Variants in NOVA1 observed in about 807,000 individuals in gnomAD.
NOVA1 encodes RNA-binding protein Nova-1.
Under a neutral mutation model 38.0 loss-of-function variants are expected in NOVA1, and 7 were observed. That is an observed-to-expected ratio of 0.18 (90% CI 0.10 to 0.35). The LOEUF (loss-of-function observed/expected upper bound fraction) is 0.35. NOVA1 is among the 10% of genes least tolerant of loss of function. NOVA1 has a pLI of 1.00. For synonymous variants in NOVA1, 270 were observed against 232.5 expected (o/e 1.16, Z -1.47); for missense variants, 460 against 616.0 (o/e 0.75, Z 2.68).
chr14:26,469,582 A>G (rs1884424313), intron 4 of NOVA1, among the ~76,000 whole-genome samples: 1 of 152,110 alleles, frequency 6.6e-6, no homozygotes, highest in Non-Finnish European at 1.5e-5. Flanking sequence ...CTATGAGGCA[A>G]TATTATTTGA....
At chr14:26,536,001 T>A (rs1017980144) in intron 2 of NOVA1, among the ~76,000 whole-genome samples, 3 of 149,884 alleles carry the variant, frequency 2.0e-5, no homozygotes, top group Non-Finnish European at 4.4e-5. Context: ...AAAAATGTGG[T>A]ACATATACAC....
intron 3 of NOVA1, 147 bp downstream of exon 3, chr14:26,479,830 T>A: frequency 1.3e-6 from 1 of 745,168 alleles, no homozygotes; most frequent in Non-Finnish European, 2.1e-6. Context: ...GAGACCTTGA[T>A]AGTCTTTAAA....
intron 2 of NOVA1, among the ~76,000 whole-genome samples, chr14:26,591,155 T>C (rs1411007488): frequency 6.6e-6 from 1 of 151,552 alleles, no homozygotes; most frequent in African/African-American, 2.4e-5. Context: ...AAATAAAGTA[T>C]TAAAAAAAAT....
intron 2 of NOVA1, among the ~76,000 whole-genome samples, chr14:26,545,790 CT>C (rs1890752784): frequency 6.6e-6 from 1 of 152,056 alleles, no homozygotes; most frequent in Non-Finnish European, 1.5e-5. Context: ...CGAGATCACA[CT>C]TCAGAAAATA....
At chr14:26,508,531 CAA>C (rs1457273661) in intron 2 of NOVA1, among the ~76,000 whole-genome samples, 1 of 143,838 alleles carries the variant, frequency 7.0e-6, no homozygotes, top group Non-Finnish European at 1.5e-5. Flanking sequence ...AACATTAAAC[CAA>C]GAGAAATTTT....
At chr14:26,470,804 T>C (rs1884527667) in intron 4 of NOVA1, among the ~76,000 whole-genome samples, 1 of 152,124 alleles carries the variant, frequency 6.6e-6, no homozygotes. Flanking sequence ...TTTTTTACCT[T>C]GAGAAAAATC....
intron 2 of NOVA1, among the ~76,000 whole-genome samples, chr14:26,546,059 G>A (rs748946748): frequency 2.0e-5 from 3 of 151,844 alleles, no homozygotes; most frequent in African/African-American, 7.3e-5. Context: ...TATAAAATAA[G>A]AAAAGCAAAG....
chr14:26,469,344 G>C (rs951457286), intron 4 of NOVA1, among the ~76,000 whole-genome samples: 1 of 152,144 alleles, frequency 6.6e-6, no homozygotes, highest in Non-Finnish European at 1.5e-5. Flanking sequence ...AAATATTTTA[G>C]AGTTGAAAAA....
rs900737082 is a variant in NOVA1 at position 26,550,984 on chromosome 14, A to G, written c.280+44426T>C. Among the ~76,000 whole-genome samples, 3 of 152,088 alleles carry G rather than the reference A, an allele frequency of 2.0e-5. No homozygotes were observed. In the East Asian group the frequency reaches 5.8e-4, roughly 29 times the overall value. Reference sequence around the variant, plus strand: ...TGACAAGATGTGGCTCTTTATTTTAAAAGACATAGACCAGAGATTCCCAAT... The same window carrying G: ...TGACAAGATGTGGCTCTTTATTTTAGAAGACATAGACCAGAGATTCCCAAT... On this transcript the variant is annotated intron_variant, in intron 2 of 4. Transcript: ENST00000539517.
intron 2 of NOVA1, among the ~76,000 whole-genome samples, chr14:26,556,192 T>C (rs1891469874): frequency 6.6e-6 from 1 of 151,824 alleles, no homozygotes; most frequent in Admixed American, 6.6e-5. Flanking sequence ...AGGCCCAGAA[T>C]ATTAAAGGAA....
At chr14:26,481,309 T>A (rs1351753555) in intron 2 of NOVA1, among the ~76,000 whole-genome samples, 2 of 152,060 alleles carry the variant, frequency 1.3e-5, no homozygotes. Flanking sequence ...TCAAGGTACT[T>A]TGTAAAATGT....
At chr14:26,459,724 T>C (rs2138602931) in intron 4 of NOVA1, among the ~76,000 whole-genome samples, 1 of 152,176 alleles carries the variant, frequency 6.6e-6, no homozygotes, top group Non-Finnish European at 1.5e-5. Context: ...TTTTTAAAAT[T>C]TTGAGTTGTT....
chr14:26,498,886 C>T (rs775978130), intron 2 of NOVA1, among the ~76,000 whole-genome samples: 4 of 152,096 alleles, frequency 2.6e-5, no homozygotes, highest in Non-Finnish European at 5.9e-5. Context: ...TGCCATTTGC[C>T]ACAACTTGGG....
At chr14:26,470,528 C>T (rs753781702) in intron 4 of NOVA1, 2 of 1,342,770 alleles carry the variant, frequency 1.5e-6, no homozygotes, top group South Asian at 2.3e-5. Context: ...GTATAAGTAA[C>T]AATATAACAG....
intron 2 of NOVA1, among the ~76,000 whole-genome samples, chr14:26,518,931 T>C (rs1467922482): frequency 6.6e-6 from 1 of 152,058 alleles, no homozygotes; most frequent in Non-Finnish European, 1.5e-5. Context: ...AATTATATAC[T>C]TTTTCATTTT....
At chr14:26,575,024 G>A (rs1892747956) in intron 2 of NOVA1, among the ~76,000 whole-genome samples, 1 of 152,120 alleles carries the variant, frequency 6.6e-6, no homozygotes, top group Admixed American at 6.6e-5. Flanking sequence ...TAAATTATAA[G>A]TAAATAATTC....
chr14:26,565,531 C>T (rs1302331578), intron 2 of NOVA1, among the ~76,000 whole-genome samples: 1 of 152,096 alleles, frequency 6.6e-6, no homozygotes, highest in Non-Finnish European at 1.5e-5. Flanking sequence ...CATTTCTTGG[C>T]TTCCACGTAA....
At chr14:26,499,038 G>C (rs1360089531) in intron 2 of NOVA1, among the ~76,000 whole-genome samples, 1 of 152,156 alleles carries the variant, frequency 6.6e-6, no homozygotes, top group Non-Finnish European at 1.5e-5. Flanking sequence ...GTAGTTTCCA[G>C]GGTGGGAGTA....
intron 2 of NOVA1, among the ~76,000 whole-genome samples, chr14:26,481,830 G>T (rs1415733567): frequency 6.6e-6 from 1 of 151,924 alleles, no homozygotes; most frequent in Admixed American, 6.6e-5. Flanking sequence ...TCCAATAAAT[G>T]ACTAGAAAGG....
Sources: allele counts gnomAD v4.1 joint callset (sites outside exome capture counted in the v4.1 genomes callset), GRCh38; gene constraint gnomAD v4.1.1; transcripts MANE v1.5; gene names NCBI Gene and HGNC (gene_info 2026-07-23, HGNC 2026-07-21).